The following EML4 variants were observed in gnomAD, a reference collection of about 807,000 sequenced individuals.
EML4 encodes the protein echinoderm microtubule-associated protein-like 4.
In EML4, 72 loss-of-function variants were observed where a neutral mutation model predicts 129.0. The ratio of observed to expected loss-of-function variants is 0.56; its 90% CI spans 0.46 to 0.68. The LOEUF is 0.68. Ranked by LOEUF, EML4 falls within the 30% of genes least tolerant of loss-of-function variation. The pLI, the probability that EML4 is intolerant of heterozygous loss-of-function variation, is 0.00. For missense variants in EML4, 1,363 were observed against 1,190.6 expected (o/e 1.14, Z -2.13); for synonymous variants, 532 against 405.0 (o/e 1.31, Z -3.77).
In EML4 at chr2:42,316,090, C is replaced by T. The variant is rs780235938; in HGVS notation, c.2056+40C>T. ...TCCCACCTCCCAAGCATGGCATTCA[C>T]AGCACTTCACTGCAATTGCATAGTT... On this transcript the variant is annotated intron_variant, in intron 18 of 22. Coordinates refer to ENST00000318522, the MANE Select transcript of EML4 (RefSeq NM_019063.5). The T allele has an allele frequency of 1.2e-4, 160 of 1,347,334 alleles. 1 individual carries two copies. In the Admixed American group the frequency reaches 2.1e-3, roughly 17 times the overall value. The allele number at this position is 1,347,334 out of a possible 1,614,324, so 83.5% of individuals were successfully genotyped here.
intron 19 of EML4, chr2:42,320,021 T>A (rs1388102283): frequency 6.6e-6 from 1 of 152,206 alleles, no homozygotes; most frequent in Admixed American, 6.5e-5. Flanking sequence ...ATAAGTTATA[T>A]GCATTTGGAG....
chr2:42,196,871 C>G (rs1032873440), intron 1 of EML4, among the ~76,000 whole-genome samples: 4 of 152,128 alleles, frequency 2.6e-5, no homozygotes, highest in African/African-American at 9.7e-5. Context: ...ACCCTGCCCT[C>G]TACTGTGGGA....
intron 1 of EML4, among the ~76,000 whole-genome samples, chr2:42,205,030 A>T (rs146647610): frequency 6.6e-6 from 1 of 152,190 alleles, no homozygotes; most frequent in African/African-American, 2.4e-5. Context: ...ATTTTGTTCT[A>T]TAATCATCCA....
intron 6 of EML4, among the ~76,000 whole-genome samples, chr2:42,271,385 A>G (rs1666356042): frequency 6.6e-6 from 1 of 151,386 alleles, no homozygotes; most frequent in Non-Finnish European, 1.5e-5. Flanking sequence ...AGGAGACCCA[A>G]AAAAGGGGAC....
At chr2:42,243,748 A>G (rs1359593847) in intron 1 of EML4, among the ~76,000 whole-genome samples, 3 of 152,260 alleles carry the variant, frequency 2.0e-5, no homozygotes, top group Admixed American at 1.3e-4. Flanking sequence ...ATCATCTTAA[A>G]TATGAAATAT....
At chr2:42,255,535 T>G (rs147547871) in intron 2 of EML4, among the ~76,000 whole-genome samples, 45 of 152,320 alleles carry the variant, frequency 3.0e-4, no homozygotes, top group Non-Finnish European at 5.3e-4. Flanking sequence ...TTTACCACAG[T>G]TTTTAAAAAG....
intron 1 of EML4, among the ~76,000 whole-genome samples, chr2:42,213,862 A>G (rs1386990578): frequency 6.6e-6 from 1 of 152,226 alleles, no homozygotes; most frequent in Non-Finnish European, 1.5e-5. Context: ...AAGGATATTG[A>G]TGACTTGTTT....
intron 3 of EML4, among the ~76,000 whole-genome samples, chr2:42,259,994 TG>T (rs901441985): frequency 4.0e-5 from 6 of 151,662 alleles, no homozygotes; most frequent in Admixed American, 2.6e-4. Context: ...CCTCCCAGAG[TG>T]CTGGGATTAC....
At chr2:42,325,602 T>TTTTATATATATATATATATATATA (rs1286364147) in intron 20 of EML4, 48 bp downstream of exon 20, 32 of 124,292 alleles carry the variant, frequency 2.6e-4, no homozygotes, top group African/African-American at 8.3e-4. Context: ...ATGATTATAT[T>TTTTATATATATATATATATATATA]TATATATATA....
intron 1 of EML4, among the ~76,000 whole-genome samples, chr2:42,236,209 C>G (rs1248875314): frequency 2.0e-5 from 3 of 152,216 alleles, no homozygotes; most frequent in East Asian, 1.9e-4. Context: ...CTGACTTGCT[C>G]TTTACATTCA....
chr2:42,233,316 T>C (rs1674466755), intron 1 of EML4, among the ~76,000 whole-genome samples: 1 of 151,742 alleles, frequency 6.6e-6, no homozygotes. Flanking sequence ...TTTCTTTTTT[T>C]TTTTTTTTTA....
At chr2:42,183,137 G>A (rs552878855) in intron 1 of EML4, among the ~76,000 whole-genome samples, 2 of 152,184 alleles carry the variant, frequency 1.3e-5, no homozygotes, top group East Asian at 1.9e-4. Context: ...CCTGGGTGAC[G>A]GAGTGGTGAC....
chr2:42,285,918 G>T lies in EML4; in HGVS notation c.1012-351G>T, dbSNP rs142181182. 9.5e-4 allele frequency: 235 copies of T among 248,526 alleles called. 2 individuals carry two copies. In the East Asian group the frequency reaches 0.016, roughly 17 times the overall value. The allele number at this position is 248,526 out of a possible 1,614,324, so 15.4% of individuals were successfully genotyped here. ...CTGGCCGACTCAACCTTTTAATAGC[G>T]GTATCACTTTGGGCAAGTTATTTAA... On this transcript the variant is annotated intron_variant, in intron 9 of 22. Transcript: ENST00000318522.
intron 1 of EML4, among the ~76,000 whole-genome samples, chr2:42,216,828 T>G (rs56176929): frequency 6.6e-6 from 1 of 152,328 alleles, no homozygotes; most frequent in African/African-American, 2.4e-5. Flanking sequence ...TAAATACTGC[T>G]TATTGTCTAA....
chr2:42,316,620 A>G (rs1182576118), intron 18 of EML4, among the ~76,000 whole-genome samples: 4 of 152,124 alleles, frequency 2.6e-5, no homozygotes, highest in Admixed American at 6.5e-5. Flanking sequence ...CTGTGATAAT[A>G]CTCCAGTTAC....
intron 2 of EML4, 58 bp downstream of exon 2, chr2:42,245,745 T>C: frequency 6.8e-7 from 1 of 1,462,548 alleles, no homozygotes; most frequent in Non-Finnish European, 9.2e-7. Flanking sequence ...TCTTTGAAAG[T>C]TGAAGCTGGA....
At chr2:42,256,731 C>T in intron 3 of EML4, 101 bp downstream of exon 3, 2 of 1,403,416 alleles carry the variant, frequency 1.4e-6, no homozygotes, top group Non-Finnish European at 2.0e-6. Flanking sequence ...TGTTTGAATT[C>T]AAGTGAGCAT....
rs747761073 is a variant in EML4 at position 42,261,196 on chromosome 2, T to C, written c.414T>C (p.Ser138=). Residue 138 remains serine (S), a synonymous_variant, in exon 4 of 23, where the codon AGT becomes AGC. Transcript: ENST00000318522. ...AGGAATCTCATTCTAATGATCAAAGTCCACAAATTCGAGCATCACCTTCTC... is the reference window on the plus strand; with the variant it reads ...AGGAATCTCATTCTAATGATCAAAGCCCACAAATTCGAGCATCACCTTCTC... The part of the protein sequence containing the change: ...KKEESHSNDQ[S]PQIRASPSPQ... 3.7e-6 allele frequency: 6 copies of C among 1,613,844 alleles called. No individual in the cohort carries two copies. The highest frequency in any genetic ancestry group is 4.2e-6 in the Non-Finnish European group (5 of 1,179,898).
At chr2:42,254,767 C>A (rs1676013251) in intron 2 of EML4, among the ~76,000 whole-genome samples, 1 of 152,084 alleles carries the variant, frequency 6.6e-6, no homozygotes, top group South Asian at 2.1e-4. Flanking sequence ...AACCGTGACT[C>A]AGCAGTTCCG....
Sources: gnomAD v4.1 joint callset for allele counts (sites outside exome capture counted in the v4.1 genomes callset) on GRCh38, gnomAD v4.1.1 for gene constraint, MANE v1.5 for transcripts, NCBI Gene and HGNC (gene_info 2026-07-23, HGNC 2026-07-21) for gene names.